The following KCNQ1 variants were observed in gnomAD, a reference collection of about 807,000 sequenced individuals.
KCNQ1 encodes the protein potassium voltage-gated channel subfamily KQT member 1.
Under a neutral mutation model 72.4 loss-of-function variants are expected in KCNQ1, and 49 were observed. That is an observed-to-expected ratio of 0.68 (90% CI 0.54 to 0.86). The LOEUF (loss-of-function observed/expected upper bound fraction) is 0.86, where lower values mean the gene tolerates loss of function less well. Among genes scored for constraint, KCNQ1 ranks in the 40% least tolerant of loss-of-function variants. The probability of loss-of-function intolerance (pLI) is 0.00; values close to 1 mark genes in which losing one functional copy is unlikely to be tolerated. For missense variants in KCNQ1, 790 were observed against 945.1 expected (o/e 0.84, Z 2.15); for synonymous variants, 450 against 412.6 (o/e 1.09, Z -1.10).
At position 2,715,435 on chromosome 11, in the gene KCNQ1, G is replaced by C. The variant is rs972097676; in HGVS notation, c.1514+53354G>C. ...CCCTTTGTTGGCCAGTGTGGGAATG[G>C]GGGGAGGCCAGGGAGGACCCCCTGC... is the stretch of plus-strand genomic sequence containing the variant. On this transcript the variant is annotated intron_variant, in intron 11 of 15. Transcript: ENST00000155840. This position sits in a 1 kb window ranked among gnomAD's most constrained non-coding sequence, Gnocchi z 4.9. 9.2e-5 allele frequency among the ~76,000 whole-genome samples: 14 copies of C among 152,220 alleles called. No individual in the cohort carries two copies. Among genetic ancestry groups the C allele is most frequent in the African/African-American group, 3.1e-4 (13 of 41,528 alleles).
rs149523964 is a variant in KCNQ1 at position 2,538,899 on chromosome 11, G to A, written c.477+10881G>A. 2.6e-3 allele frequency among the ~76,000 whole-genome samples: 396 copies of A among 152,032 alleles called. 1 individual carries two copies. The highest frequency in any genetic ancestry group is 9.1e-3 in the African/African-American group (376 of 41,452). On this transcript the variant is annotated intron_variant, in intron 2 of 15. Coordinates refer to ENST00000155840, the MANE Select transcript of KCNQ1 (RefSeq NM_000218.3). The surrounding 1 kb of genome is among the most constrained non-coding windows in gnomAD (Gnocchi z 6.7). Reference sequence around the variant, plus strand: ...AACCTTCTCCAAAAACACGTAACCCGATTCTGTCCAAGCGATTTGTGAGAA... The same window carrying A: ...AACCTTCTCCAAAAACACGTAACCCAATTCTGTCCAAGCGATTTGTGAGAA...
Position 2,590,716 on chromosome 11 carries a change from T to C in KCNQ1, c.1393+1862T>C, listed in dbSNP as rs561613511. Among the ~76,000 whole-genome samples, 66 of 152,340 alleles carry C rather than the reference T, an allele frequency of 4.3e-4. 2 individuals are homozygous for C. The highest frequency in any genetic ancestry group is 4.2e-3 in the Admixed American group (65 of 15,304). ...CTTCCATGATTCCAAGGCATGTCCCTCTAAGGAGGCTTGACCCCACCCTGG... is the reference window on the plus strand; with the variant it reads ...CTTCCATGATTCCAAGGCATGTCCCCCTAAGGAGGCTTGACCCCACCCTGG... On this transcript the variant is annotated intron_variant, in intron 10 of 15. Transcript: ENST00000155840.
rs1310733601 is a variant in KCNQ1 at position 2,657,819 on chromosome 11, G to A, written c.1394-4142G>A. The A allele has an allele frequency of 2.5e-6, 1 of 398,438 alleles. No homozygotes were observed. The highest frequency in any genetic ancestry group is 4.4e-6 in the Non-Finnish European group (1 of 226,070). 24.7% of individuals were successfully genotyped at this position (398,438 alleles called of 1,614,324 possible). A position where few individuals can be genotyped will look rare whatever the true frequency, so the allele number is the denominator to read the frequency against. Reference sequence around the variant, plus strand: ...TCAGGTGTCATTGTCCCTCAGTTTGGATTTGTCTGGTGTTTTCTCAGGACT... The same window carrying A: ...TCAGGTGTCATTGTCCCTCAGTTTGAATTTGTCTGGTGTTTTCTCAGGACT... On this transcript the variant is annotated intron_variant, in intron 10 of 15. Coordinates refer to ENST00000155840, the MANE Select transcript of KCNQ1 (RefSeq NM_000218.3). This position sits in a 1 kb window ranked among gnomAD's most constrained non-coding sequence, Gnocchi z 4.8.
In KCNQ1 at chr11:2,627,312, G is replaced by A. The variant is rs1474445957; in HGVS notation, c.1394-34649G>A. The A allele has an allele frequency of 1.0e-5, 4 of 398,412 alleles. No individual in the cohort carries two copies. The South Asian group carries it at 3.8e-4, about 38-fold the overall frequency. The allele number at this position is 398,412 out of a possible 1,614,324, so 24.7% of individuals were successfully genotyped here. On this transcript the variant is annotated intron_variant, in intron 10 of 15. Transcript: ENST00000155840. The surrounding 1 kb of genome is among the most constrained non-coding windows in gnomAD (Gnocchi z 4.9). ...TTACATAGTTGCCATGTGTGTGCGT[G>A]TGTGTGGTCAGAATACCTAAGCTAT...
At chr11:2,597,922 G>C (rs150497646) in intron 10 of KCNQ1, among the ~76,000 whole-genome samples, 2 of 151,678 alleles carry the variant, frequency 1.3e-5, no homozygotes, top group African/African-American at 4.8e-5. Flanking sequence ...TCATCTCTTC[G>C]TTTTTCTTTT....
At chr11:2,727,180 A>G (rs1280609145) in intron 11 of KCNQ1, among the ~76,000 whole-genome samples, 1 of 152,182 alleles carries the variant, frequency 6.6e-6, no homozygotes, top group African/African-American at 2.4e-5. Flanking sequence ...CTCTGGAGCA[A>G]CAGAGGCCTC....
chr11:2,597,625 A>G (rs1022759599), intron 10 of KCNQ1, among the ~76,000 whole-genome samples: 1 of 152,214 alleles, frequency 6.6e-6, no homozygotes, highest in Non-Finnish European at 1.5e-5. Flanking sequence ...AGTTTTATCT[A>G]CCTTCCTTGT....
Position 2,536,323 on chromosome 11 carries a change from T to G in KCNQ1, c.477+8305T>G, listed in dbSNP as rs939664291. ...ACACACCATCCGCACTGCCTGCGGC[T>G]CTTACAGGAGTCTCTCGTGCACCAT... On this transcript the variant is annotated intron_variant, in intron 2 of 15. Transcript: ENST00000155840. The surrounding 1 kb of genome is among the most constrained non-coding windows in gnomAD (Gnocchi z 7.4). 1.3e-5 allele frequency among the ~76,000 whole-genome samples: 2 copies of G among 152,100 alleles called. No homozygotes were observed. Among genetic ancestry groups the G allele is most frequent in the East Asian group, 3.9e-4 (2 of 5,170 alleles).
chr11:2,686,489 C>T lies in KCNQ1; in HGVS notation c.1514+24408C>T. ...AATAATTCCCAACAGATACCCCCAC[C>T]CTCACCCAGTGTTGAGTCTCACTCC... is the stretch of plus-strand genomic sequence containing the variant. On this transcript the variant is annotated intron_variant, in intron 11 of 15. Transcript: ENST00000155840. 3 of 398,722 alleles carry T rather than the reference C, an allele frequency of 7.5e-6. No homozygotes were observed. In the East Asian group the frequency reaches 1.1e-4, roughly 14 times the overall value. The allele number at this position is 398,722 out of a possible 1,614,324, so 24.7% of individuals were successfully genotyped here.
chr11:2,454,590 G>A (rs1025846863), intron 1 of KCNQ1, among the ~76,000 whole-genome samples: 2 of 152,114 alleles, frequency 1.3e-5, no homozygotes, highest in African/African-American at 4.8e-5. Context: ...GCAGGTTAAG[G>A]TAAGTAATTG....
intron 11 of KCNQ1, among the ~76,000 whole-genome samples, chr11:2,726,753 C>T (rs1845772181): frequency 6.6e-6 from 1 of 152,228 alleles, no homozygotes; most frequent in Admixed American, 6.5e-5. Context: ...TTAAAGCCGG[C>T]TTTCCCATGG....
rs1848466788 is a variant in KCNQ1, at chr11:2,579,410, C to T, written c.922-4025C>T. On this transcript the variant is annotated intron_variant, in intron 6 of 15. Transcript: ENST00000155840. The surrounding 1 kb of genome is among the most constrained non-coding windows in gnomAD (Gnocchi z 6.0). The stretch of plus-strand genomic sequence containing the variant: ...GCCATGGGCGTGACTTTGTGTGCCT[C>T]ATATGGCTGGTGCCCTGGCAAGGAG... Among the ~76,000 whole-genome samples the T allele has an allele frequency of 6.6e-6, 1 of 152,204 alleles. No homozygotes were observed. The highest frequency in any genetic ancestry group is 2.1e-4 in the South Asian group (1 of 4,838).
intron 10 of KCNQ1, chr11:2,630,780 ACTC>A: frequency 2.5e-6 from 1 of 397,814 alleles, no homozygotes; most frequent in Non-Finnish European, 4.4e-6. Context: ...TTGCTGATAA[ACTC>A]CTTCAACTTT....
intron 2 of KCNQ1, among the ~76,000 whole-genome samples, chr11:2,548,280 A>T (rs1048184049): frequency 3.3e-5 from 5 of 152,210 alleles, no homozygotes; most frequent in African/African-American, 1.2e-4. Context: ...CCAGGGAGGT[A>T]GACTGGGAAC....
chr11:2,506,773 C>T (rs11023096), intron 1 of KCNQ1, among the ~76,000 whole-genome samples: 34,534 of 152,168 alleles, frequency 0.23, 4,108 homozygotes, highest in East Asian at 0.41. Flanking sequence ...TGTCACACCA[C>T]TTTTTGCCAG....
In KCNQ1 at chr11:2,544,103, T is replaced by A. The variant is rs1284869196; in HGVS notation, c.477+16085T>A. Among the ~76,000 whole-genome samples, 1 of 152,114 alleles carries A rather than the reference T, an allele frequency of 6.6e-6. No individual in the cohort carries two copies. The highest frequency in any genetic ancestry group is 1.5e-5 in the Non-Finnish European group (1 of 68,028). ...TTACATATAAATTTTGGAAGCTGCT[T>A]ACCAATTTTTGCAAAGCCTGGTAGA... On this transcript the variant is annotated intron_variant, in intron 2 of 15. Transcript: ENST00000155840. This position sits in a 1 kb window ranked among gnomAD's most constrained non-coding sequence, Gnocchi z 4.4.
chr11:2,813,860 C>A lies in KCNQ1; in HGVS notation c.1795-33907C>A, dbSNP rs1253178054. 6.6e-6 allele frequency among the ~76,000 whole-genome samples: 1 copy of A among 151,448 alleles called. No individual in the cohort carries two copies. The highest frequency in any genetic ancestry group is 1.5e-5 in the Non-Finnish European group (1 of 67,864). On this transcript the variant is annotated intron_variant, in intron 15 of 15. Transcript: ENST00000155840. This position sits in a 1 kb window ranked among gnomAD's most constrained non-coding sequence, Gnocchi z 4.4. ...GAGTAGGTAGATGGACGGGGAGCTGCAGGGAGGGAGGGTTGCAGAAAGGGA... is the reference window on the plus strand; with the variant it reads ...GAGTAGGTAGATGGACGGGGAGCTGAAGGGAGGGAGGGTTGCAGAAAGGGA...
chr11:2,703,192 C>T lies in KCNQ1; in HGVS notation c.1514+41111C>T, dbSNP rs1384714094. ...GAATTCTGGGAGGGGGCTGCAGTCA[C>T]GGCCAGCTCCCTTTCTGAATTGTTC... is the stretch of plus-strand genomic sequence containing the variant. On this transcript the variant is annotated intron_variant, in intron 11 of 15. Coordinates refer to ENST00000155840, the MANE Select transcript of KCNQ1 (RefSeq NM_000218.3). This position sits in a 1 kb window ranked among gnomAD's most constrained non-coding sequence, Gnocchi z 6.4. Among the ~76,000 whole-genome samples the T allele has an allele frequency of 1.3e-5, 2 of 152,166 alleles. No homozygotes were observed. The highest frequency in any genetic ancestry group is 2.9e-5 in the Non-Finnish European group (2 of 68,032).
chr11:2,801,614 A>G (rs1564898626), intron 15 of KCNQ1, among the ~76,000 whole-genome samples: 1 of 151,874 alleles, frequency 6.6e-6, no homozygotes, highest in Non-Finnish European at 1.5e-5. Flanking sequence ...AATATTTATC[A>G]CCTCCTAAAG....
Sources: allele counts gnomAD v4.1 joint callset (sites outside exome capture counted in the v4.1 genomes callset), GRCh38; gene constraint gnomAD v4.1.1; non-coding constraint Gnocchi (gnomAD v3.1); transcripts MANE v1.5; gene names NCBI Gene and HGNC (gene_info 2026-07-23, HGNC 2026-07-21).